PCDH15: variants seen among roughly 807,000 people sequenced by gnomAD.
PCDH15 encodes the protein protocadherin-15.
In PCDH15, 129 loss-of-function variants were observed where a neutral mutation model predicts 178.5. The ratio of observed to expected loss-of-function variants is 0.72; its 90% confidence interval spans 0.63 to 0.84. PCDH15 has a LOEUF of 0.84. Ranked by LOEUF, PCDH15 falls within the 40% of genes least tolerant of loss-of-function variation. The probability of loss-of-function intolerance (pLI) is 0.00; values close to 1 mark genes in which losing one functional copy is unlikely to be tolerated. For missense variants in PCDH15, 2,230 were observed against 2,099.9 expected (o/e 1.06, Z -1.21); for synonymous variants, 800 against 732.0 (o/e 1.09, Z -1.50).
intron 2 of PCDH15, among the ~76,000 whole-genome samples, chr10:54,662,191 A>G (rs982835665): frequency 4.0e-5 from 6 of 151,858 alleles, no homozygotes; most frequent in Non-Finnish European, 7.4e-5. Flanking sequence ...TATAAGAAAA[A>G]CAAATCAACA....
rs1412806029 is a variant in PCDH15, at chr10:54,250,077, C to CTATTTTTTTTTTTTTTTTTT, written c.877-13147_877-13146insAAAAAAAAAAAAAAAAAATA. Among the ~76,000 whole-genome samples, 7 of 137,808 alleles carry CTATTTTTTTTTTTTTTTTTT rather than the reference C, an allele frequency of 5.1e-5. 1 individual carries two copies. The highest frequency in any genetic ancestry group is 1.9e-4 in the African/African-American group (7 of 36,930). The allele number at this position is 137,808 out of a possible 152,430, so 90.4% of individuals were successfully genotyped here. The stretch of plus-strand genomic sequence containing the variant: ...TACAGGTGCATGCCACCACATCCGG[C>CTATTTTTTTTTTTTTTTTTT]TTTTTTTTTTTTTGTATTATTGGTT... On this transcript the variant is annotated intron_variant, in intron 8 of 37. Transcript: ENST00000644397.
intron 14 of PCDH15, among the ~76,000 whole-genome samples, chr10:54,142,546 G>A (rs9651345): frequency 0.015 from 2,354 of 152,190 alleles, 75 homozygotes; most frequent in African/African-American, 0.054. Context: ...TAAATTAAAC[G>A]TTAATGTCAA....
At chr10:54,827,362 A>T (rs1044278707) in intron 3 of PCDH15, among the ~76,000 whole-genome samples, 1 of 152,134 alleles carries the variant, frequency 6.6e-6, no homozygotes, top group Non-Finnish European at 1.5e-5. Context: ...ACAGCAGATG[A>T]TAACATTCAA....
chr10:54,974,604 T>C (rs1839019994), intron 2 of PCDH15, among the ~76,000 whole-genome samples: 1 of 151,976 alleles, frequency 6.6e-6, no homozygotes, highest in Admixed American at 6.6e-5. Flanking sequence ...TTCTTAACAT[T>C]GAAATTCCCT....
At chr10:55,559,804 T>C (rs1458256197) in intron 2 of PCDH15, among the ~76,000 whole-genome samples, 1 of 151,960 alleles carries the variant, frequency 6.6e-6, no homozygotes, top group Non-Finnish European at 1.5e-5. Flanking sequence ...CTTTCTTCAG[T>C]AATGACAGAA....
At chr10:53,877,233 T>C (rs2080314801) in intron 26 of PCDH15, among the ~76,000 whole-genome samples, 1 of 152,184 alleles carries the variant, frequency 6.6e-6, no homozygotes, top group African/African-American at 2.4e-5. Context: ...TCATTATTGC[T>C]AATAATAAAA....
intron 3 of PCDH15, among the ~76,000 whole-genome samples, chr10:54,828,458 C>T (rs554614600): frequency 3.3e-5 from 5 of 150,324 alleles, no homozygotes; most frequent in African/African-American, 9.7e-5. Flanking sequence ...CTAAATCCTG[C>T]TCATTGATGT....
chr10:54,703,200 C>T (rs1267454777), intron 1 of PCDH15, among the ~76,000 whole-genome samples: 2 of 151,846 alleles, frequency 1.3e-5, no homozygotes, highest in African/African-American at 4.8e-5. Context: ...AAAACCTCCA[C>T]CAAATAAGGC....
At chr10:53,912,605 T>C (rs951799277) in intron 25 of PCDH15, among the ~76,000 whole-genome samples, 1 of 152,172 alleles carries the variant, frequency 6.6e-6, no homozygotes, top group Non-Finnish European at 1.5e-5. Context: ...AGTCTCAGGA[T>C]ACAAAATCAA....
intron 2 of PCDH15, among the ~76,000 whole-genome samples, chr10:54,548,941 T>C (rs558480525): frequency 9.3e-4 from 131 of 140,886 alleles, no homozygotes; most frequent in Admixed American, 8.2e-3. Context: ...GTATAGTTAA[T>C]GTTTTTCTAG....
At chr10:53,829,291 A>G (rs187019170) in intron 30 of PCDH15, among the ~76,000 whole-genome samples, 1 of 152,336 alleles carries the variant, frequency 6.6e-6, no homozygotes, top group African/African-American at 2.4e-5. Flanking sequence ...ATCAAACTAA[A>G]GGAGAATTAA....
At chr10:54,490,501 CA>C (rs977996732) in intron 3 of PCDH15, among the ~76,000 whole-genome samples, 4 of 151,236 alleles carry the variant, frequency 2.6e-5, no homozygotes, top group African/African-American at 9.7e-5. Flanking sequence ...AATAATGTCT[CA>C]AAAATAAATA....
intron 2 of PCDH15, among the ~76,000 whole-genome samples, chr10:55,507,134 T>TA (rs1351793109): frequency 9.9e-5 from 15 of 151,356 alleles, no homozygotes; most frequent in Non-Finnish European, 1.6e-4. Context: ...ATAATTTTTA[T>TA]AAAAAAAATC....
At chr10:54,861,337 G>A (rs1318192941) in intron 3 of PCDH15, among the ~76,000 whole-genome samples, 1 of 152,088 alleles carries the variant, frequency 6.6e-6, no homozygotes, top group Non-Finnish European at 1.5e-5. Context: ...ACTACTATGA[G>A]TATGGCACAT....
At chr10:54,924,026 AAG>A (rs200953538) in intron 2 of PCDH15, among the ~76,000 whole-genome samples, 3,427 of 138,250 alleles carry the variant, frequency 0.025, 795 homozygotes, top group Non-Finnish European at 0.04. Flanking sequence ...TATATAAAAA[AAG>A]AGAGTGAAAT....
At chr10:55,107,695 G>A (rs535571144) in intron 2 of PCDH15, among the ~76,000 whole-genome samples, 38 of 151,694 alleles carry the variant, frequency 2.5e-4, no homozygotes, top group African/African-American at 8.7e-4. Context: ...GTTTCATCAT[G>A]TTGGCCAGGC....
At chr10:54,261,611 A>T (rs931030259) in intron 8 of PCDH15, among the ~76,000 whole-genome samples, 2 of 152,126 alleles carry the variant, frequency 1.3e-5, no homozygotes, top group African/African-American at 4.8e-5. Flanking sequence ...AGTGGTTTTT[A>T]AAGTAAAGCA....
intron 4 of PCDH15, among the ~76,000 whole-genome samples, chr10:54,374,646 C>T (rs11004264): frequency 0.15 from 22,082 of 151,748 alleles, 1,813 homozygotes; most frequent in Middle Eastern, 0.22. Flanking sequence ...TTTTGTAACT[C>T]TTCCTTTCTT....
intron 7 of PCDH15, among the ~76,000 whole-genome samples, chr10:54,318,410 T>C (rs2061405685): frequency 6.6e-6 from 1 of 152,206 alleles, no homozygotes; most frequent in African/African-American, 2.4e-5. Context: ...AGATCTAGTC[T>C]GTATTCTGGT....
Sources: allele counts gnomAD v4.1 joint callset (sites outside exome capture counted in the v4.1 genomes callset), GRCh38; gene constraint gnomAD v4.1.1; transcripts MANE v1.5; gene names NCBI Gene and HGNC (gene_info 2026-07-23, HGNC 2026-07-21).